The following PITPNC1 variants were observed in gnomAD, a reference collection of about 807,000 sequenced individuals.
The protein encoded by PITPNC1 is phosphatidylinositol transfer protein cytoplasmic 1.
A neutral mutation model predicts 44.7 loss-of-function variants in PITPNC1; 18 were observed. The observed-to-expected ratio is 0.40, with a 90% CI of 0.28 to 0.60. The LOEUF is 0.60. Ranked by LOEUF, PITPNC1 falls within the 20% of genes least tolerant of loss-of-function variation. The pLI is 0.39. For synonymous variants in PITPNC1, 141 were observed against 149.6 expected (o/e 0.94, Z 0.42); for missense variants, 290 against 418.4 (o/e 0.69, Z 2.68).
intron 2 of PITPNC1, 50 bp from the exon 3 acceptor site, chr17:67,552,207 G>A (rs1474203027): frequency 1.1e-6 from 1 of 897,956 alleles, no homozygotes; most frequent in Non-Finnish European, 1.9e-6. Flanking sequence ...TGGTAGTGTG[G>A]TGAGACTCTG....
chr17:67,450,098 AT>A (rs1444157278), intron 1 of PITPNC1, among the ~76,000 whole-genome samples: 1 of 152,258 alleles, frequency 6.6e-6, no homozygotes, highest in African/African-American at 2.4e-5. Context: ...AACAACACTT[AT>A]ACTTCCTGTA....
chr17:67,408,509 G>A (rs138626732), intron 1 of PITPNC1, among the ~76,000 whole-genome samples: 83 of 152,160 alleles, frequency 5.5e-4, no homozygotes, highest in African/African-American at 1.9e-3. Context: ...CAGCCTGGAC[G>A]ACAGAGTGAG....
At chr17:67,457,703 G>A (rs1304279517) in intron 1 of PITPNC1, 1 of 152,194 alleles carries the variant, frequency 6.6e-6, no homozygotes, top group East Asian at 1.9e-4. Flanking sequence ...CTGTTCTTTA[G>A]GCTTCCTCTT....
At chr17:67,504,517 G>T (rs866571071) in intron 1 of PITPNC1, among the ~76,000 whole-genome samples, 16 of 152,186 alleles carry the variant, frequency 1.1e-4, no homozygotes, top group Middle Eastern at 3.2e-3. Context: ...ACACAGGAAT[G>T]GCTAAAGTCT....
chr17:67,579,750 G>A (rs1314865941), intron 5 of PITPNC1, among the ~76,000 whole-genome samples: 2 of 150,778 alleles, frequency 1.3e-5, no homozygotes, highest in African/African-American at 2.4e-5. Context: ...ACCAGCCTGG[G>A]TAACATGGCA....
At chr17:67,431,699 T>C (rs1319332541) in intron 1 of PITPNC1, among the ~76,000 whole-genome samples, 1 of 152,158 alleles carries the variant, frequency 6.6e-6, no homozygotes, top group Non-Finnish European at 1.5e-5. Context: ...AATATAGACT[T>C]TCCCTCACCA....
At chr17:67,650,352 T>C (rs2042195941) in intron 6 of PITPNC1, among the ~76,000 whole-genome samples, 1 of 152,010 alleles carries the variant, frequency 6.6e-6, no homozygotes. Context: ...TTCCTTGACT[T>C]TCCTCTGGCC....
chr17:67,672,413 A>G (rs2042530637), intron 7 of PITPNC1, among the ~76,000 whole-genome samples: 1 of 151,658 alleles, frequency 6.6e-6, no homozygotes, highest in South Asian at 2.1e-4. Flanking sequence ...AGCCTGGCCA[A>G]CATGGTGAAC....
At chr17:67,618,479 A>G (rs554472907) in intron 5 of PITPNC1, among the ~76,000 whole-genome samples, 4 of 151,768 alleles carry the variant, frequency 2.6e-5, no homozygotes, top group South Asian at 2.1e-4. Flanking sequence ...GGCTGGGCAT[A>G]GTGGCTCACG....
At position 67,632,565 on chromosome 17, in the gene PITPNC1, C is replaced by A. The variant is rs2041984198; in HGVS notation, c.462+327C>A. ...AAACAACAGTCTCCCCAATTACATG[C>A]GCTCTTTTTTTTTTTTTTTTCTTTT... On this transcript the variant is annotated intron_variant, in intron 6 of 8. Coordinates refer to ENST00000581322, the MANE Select transcript of PITPNC1 (RefSeq NM_012417.4). The A allele has an allele frequency of 4.6e-5, 10 of 217,324 alleles. No individual in the cohort carries two copies. In the South Asian group the frequency reaches 7.0e-4, roughly 15 times the overall value. 13.5% of individuals were successfully genotyped at this position (217,324 alleles called of 1,614,324 possible). A position where few individuals can be genotyped will look rare whatever the true frequency, so the allele number is the denominator to read the frequency against.
intron 1 of PITPNC1, among the ~76,000 whole-genome samples, chr17:67,467,583 AC>A (rs1212115423): frequency 1.3e-5 from 2 of 152,160 alleles, no homozygotes; most frequent in Non-Finnish European, 2.9e-5. Context: ...TTCTAGCTAT[AC>A]TAACATGTCC....
chr17:67,607,982 G>A (rs542621798), intron 5 of PITPNC1, among the ~76,000 whole-genome samples: 1 of 151,748 alleles, frequency 6.6e-6, no homozygotes, highest in African/African-American at 2.4e-5. Flanking sequence ...CACCCACCTC[G>A]GCCTCCCAAA....
chr17:67,505,656 T>C (rs1378285195), intron 1 of PITPNC1, among the ~76,000 whole-genome samples: 1 of 152,186 alleles, frequency 6.6e-6, no homozygotes, highest in African/African-American at 2.4e-5. Flanking sequence ...GTCTTTTTTT[T>C]AGTAGAGATG....
In PITPNC1 at chr17:67,695,812, C is replaced by T. The variant is rs1158532486; in HGVS notation, c.*2924C>T. 2.6e-5 allele frequency: 4 copies of T among 151,992 alleles called. No homozygotes were observed. Among genetic ancestry groups the T allele is most frequent in the African/African-American group, 9.7e-5 (4 of 41,376 alleles). The allele number at this position is 151,992 out of a possible 1,614,324, so 9.4% of individuals were successfully genotyped here. Reference sequence around the variant, plus strand: ...CTGGGAAGATTTCAAATGTGAAGTGCCCCTGTGCATTTTCTTGGCCATAGC... The same window carrying T: ...CTGGGAAGATTTCAAATGTGAAGTGTCCCTGTGCATTTTCTTGGCCATAGC... On this transcript the variant is annotated 3_prime_UTR_variant, in exon 9 of 9. Coordinates refer to ENST00000581322, the MANE Select transcript of PITPNC1 (RefSeq NM_012417.4).
Position 67,587,612 on chromosome 17 carries a change from G to A in PITPNC1, c.366+9355G>A, listed in dbSNP as rs558195472. ...GAAAAGAGAAGTTTCTAGATGCTCC[G>A]AGATAGAGATTGCCCAGGTCCTAAG... On this transcript the variant is annotated intron_variant, in intron 5 of 8. Transcript: ENST00000581322. Among the ~76,000 whole-genome samples, 7 of 152,284 alleles carry A rather than the reference G, an allele frequency of 4.6e-5. No individual in the cohort carries two copies. The South Asian group carries it at 1.2e-3, about 27-fold the overall frequency.
At chr17:67,499,593 C>G (rs1302498605) in intron 1 of PITPNC1, among the ~76,000 whole-genome samples, 1 of 152,194 alleles carries the variant, frequency 6.6e-6, no homozygotes, top group East Asian at 1.9e-4. Flanking sequence ...CTTCCTACTG[C>G]CCAGAGGCAA....
chr17:67,552,151 G>C, intron 2 of PITPNC1, 106 bp from the exon 3 acceptor site: 1 of 702,128 alleles, frequency 1.4e-6, no homozygotes, highest in Non-Finnish European at 2.6e-6. Context: ...GAAAAGAGAT[G>C]CCCCAGAATC....
chr17:67,500,498 C>G (rs2040011465), intron 1 of PITPNC1, among the ~76,000 whole-genome samples: 1 of 152,136 alleles, frequency 6.6e-6, no homozygotes, highest in Non-Finnish European at 1.5e-5. Flanking sequence ...ATACCATTAA[C>G]TGCTTATGGG....
At chr17:67,459,626 C>T (rs796240791) in intron 1 of PITPNC1, 30 of 152,292 alleles carry the variant, frequency 2.0e-4, no homozygotes, top group African/African-American at 6.3e-4. Flanking sequence ...TCCGCCCCTA[C>T]GTTATCTTAA....
Sources: allele counts gnomAD v4.1 joint callset (sites outside exome capture counted in the v4.1 genomes callset), GRCh38; gene constraint gnomAD v4.1.1; transcripts MANE v1.5; gene names NCBI Gene and HGNC (gene_info 2026-07-23, HGNC 2026-07-21).